The following CRLS1 variants were observed in gnomAD, a reference collection of about 807,000 sequenced individuals.
CRLS1 encodes the protein cardiolipin synthase 1.
A neutral mutation model predicts 37.0 loss-of-function variants in CRLS1; 24 were observed. That is an observed-to-expected ratio of 0.65 (90% CI 0.47 to 0.91). The LOEUF (loss-of-function observed/expected upper bound fraction) is 0.91. CRLS1 is among the 40% of genes least tolerant of loss of function. The pLI is 0.00. For missense variants in CRLS1, 373 were observed against 395.8 expected (o/e 0.94, Z 0.49); for synonymous variants, 135 against 159.7 (o/e 0.85, Z 1.17).
intron 3 of CRLS1, among the ~76,000 whole-genome samples, chr20:6,022,335 CT>C (rs34621758): frequency 0.48 from 44,971 of 94,364 alleles, 7,842 homozygotes; most frequent in South Asian, 0.55. Context: ...TAATCCATTG[CT>C]TTTTTTTTTT....
intron 3 of CRLS1, among the ~76,000 whole-genome samples, chr20:6,016,454 GGTGT>G (rs61011560): frequency 3.5e-5 from 4 of 114,610 alleles, no homozygotes; most frequent in Middle Eastern, 5.2e-3. Flanking sequence ...GGGGAATGGG[GGTGT>G]GTGTGTGTGT....
intron 3 of CRLS1, among the ~76,000 whole-genome samples, chr20:6,025,585 A>G (rs1033536257): frequency 1.3e-5 from 2 of 152,238 alleles, no homozygotes; most frequent in Non-Finnish European, 2.9e-5. Flanking sequence ...TAAGAAATAC[A>G]TTCCCCAAGG....
chr20:6,006,428 C>T lies in CRLS1; in HGVS notation c.182C>T (p.Pro61Leu). ...LRPAALGLRL[P>L]GIGQRNHCSG... is the part of the protein sequence containing the mutation. Reference sequence around the variant, plus strand: ...CCGGCCGCTCTTGGCTTGCGGCTGCCCGGGATCGGCCAGCGGAACCACTGT... The same window carrying T: ...CCGGCCGCTCTTGGCTTGCGGCTGCTCGGGATCGGCCAGCGGAACCACTGT... The change falls in exon 1 of 7, where the codon CCC (proline) becomes CTC (leucine). Residue 61 changes from proline to leucine, a missense_variant. Physicochemically the swap from Pro to Leu is moderately conservative, Grantham distance 98. Coordinates refer to ENST00000378863, the MANE Select transcript of CRLS1 (RefSeq NM_019095.6). 1.3e-5 allele frequency: 18 copies of T among 1,406,554 alleles called. No individual in the cohort carries two copies. Among genetic ancestry groups the T allele is most frequent in the Non-Finnish European group, 1.7e-5 (18 of 1,080,708 alleles). 87.1% of individuals were successfully genotyped at this position (1,406,554 alleles called of 1,614,324 possible).
chr20:6,019,426 T>A (rs1979035860), intron 3 of CRLS1, among the ~76,000 whole-genome samples: 1 of 152,020 alleles, frequency 6.6e-6, no homozygotes, highest in Non-Finnish European at 1.5e-5. Context: ...CTATAGGCAG[T>A]GGGCCCAGAA....
In CRLS1 at chr20:6,015,460, G is replaced by T. The variant is rs1365954668; in HGVS notation, c.544G>T (p.Val182Phe). Reference sequence around the variant, plus strand: ...TAAAATACTTATCAGTATCTTATATGTTAGCTTGACCTATGCAGATCTTAT... The same window carrying T: ...TAAAATACTTATCAGTATCTTATATTTTAGCTTGACCTATGCAGATCTTAT... ...ADKILISILY[V>F]SLTYADLIPV... Residue 182 changes from valine to phenylalanine, a missense_variant, in exon 3 of 7, where the codon GTT becomes TTT. Physicochemically the swap from Val to Phe is conservative, Grantham distance 50. Transcript: ENST00000378863. 1 of 1,613,186 alleles carries T rather than the reference G, an allele frequency of 6.2e-7. No individual in the cohort carries two copies. The highest frequency in any genetic ancestry group is 8.5e-7 in the Non-Finnish European group (1 of 1,179,410).
At chr20:6,032,215 G>A in intron 5 of CRLS1, 135 bp downstream of exon 5, 1 of 646,332 alleles carries the variant, frequency 1.5e-6, no homozygotes, top group Non-Finnish European at 2.7e-6. Context: ...AGTAGCGTTG[G>A]GCAGGCAGTT....
intron 2 of CRLS1, among the ~76,000 whole-genome samples, chr20:6,014,854 G>A (rs139968625): frequency 3.3e-5 from 5 of 152,130 alleles, no homozygotes. Flanking sequence ...AGGTAGAGAG[G>A]ATTGAGTTTT....
At chr20:6,018,283 T>C (rs892223510) in intron 3 of CRLS1, among the ~76,000 whole-genome samples, 4 of 151,808 alleles carry the variant, frequency 2.6e-5, no homozygotes, top group Admixed American at 1.3e-4. Flanking sequence ...TCAGTACTGT[T>C]TCTAATGTTG....
intron 3 of CRLS1, among the ~76,000 whole-genome samples, chr20:6,017,236 T>G (rs1197959675): frequency 1.3e-5 from 2 of 152,184 alleles, no homozygotes; most frequent in Non-Finnish European, 2.9e-5. Flanking sequence ...TGATTTTAAT[T>G]CAGAATTGTG....
intron 3 of CRLS1, among the ~76,000 whole-genome samples, chr20:6,025,282 G>C (rs777186492): frequency 6.6e-6 from 1 of 152,092 alleles, no homozygotes; most frequent in African/African-American, 2.4e-5. Flanking sequence ...AAAATTGTAG[G>C]GCCCTTAAGC....
intron 6 of CRLS1, among the ~76,000 whole-genome samples, chr20:6,034,842 G>A (rs1980433410): frequency 1.3e-5 from 2 of 152,178 alleles, no homozygotes; most frequent in Admixed American, 6.5e-5. Flanking sequence ...GAAGGAAGTG[G>A]CATTTGTTGC....
chr20:6,006,792 C>G (rs2090062691), intron 1 of CRLS1: 1 of 985,278 alleles, frequency 1.0e-6, no homozygotes, highest in African/African-American at 1.7e-5. Context: ...TCTATCTGCA[C>G]CCGTTGCTGG....
At chr20:6,032,120 A>C in intron 5 of CRLS1, 40 bp downstream of exon 5, 1 of 1,464,432 alleles carries the variant, frequency 6.8e-7, no homozygotes, top group South Asian at 1.2e-5. Flanking sequence ...TTCCTTTGTA[A>C]ATTTTTATTA....
chr20:6,015,414 T>C lies in CRLS1; in HGVS notation c.498T>C (p.Ser166=). 6.2e-7 allele frequency: 1 copy of C among 1,611,532 alleles called. No homozygotes were observed. Among genetic ancestry groups the C allele is most frequent in the Non-Finnish European group, 8.5e-7 (1 of 1,178,240 alleles). The change falls in exon 3 of 7, where the codon AGT becomes AGC. Residue 166 remains serine (S), a synonymous_variant. Transcript: ENST00000378863. ...CCAATCAAAGATCAGCTTTGGGAAGTGCTCTTGATCCACTTGCTGATAAAA... is the reference window on the plus strand; with the variant it reads ...CCAATCAAAGATCAGCTTTGGGAAGCGCTCTTGATCCACTTGCTGATAAAA... ...NWANQRSALG[S]ALDPLADKIL...
At chr20:6,007,206 C>A in intron 1 of CRLS1, 1 of 1,432,840 alleles carries the variant, frequency 7.0e-7, no homozygotes, top group Non-Finnish European at 9.2e-7. Flanking sequence ...GCAATTATTA[C>A]ATCTTCAATT....
At chr20:6,027,771 T>C (rs760838522) in intron 3 of CRLS1, among the ~76,000 whole-genome samples, 8 of 152,210 alleles carry the variant, frequency 5.3e-5, no homozygotes, top group African/African-American at 1.9e-4. Context: ...CATCTGACTT[T>C]CTTTCCCCCC....
At chr20:6,027,670 C>A (rs1449175580) in intron 3 of CRLS1, among the ~76,000 whole-genome samples, 3 of 152,194 alleles carry the variant, frequency 2.0e-5, no homozygotes, top group Non-Finnish European at 4.4e-5. Context: ...CTGCCTCAGC[C>A]TCCCAAAGTG....
intron 3 of CRLS1, among the ~76,000 whole-genome samples, chr20:6,025,623 C>T (rs1415667715): frequency 2.0e-5 from 3 of 152,064 alleles, no homozygotes; most frequent in Non-Finnish European, 1.5e-5. Flanking sequence ...AGTGTGATTC[C>T]TCTGATGGAT....
At chr20:6,030,975 C>A (rs184043722) in intron 3 of CRLS1, among the ~76,000 whole-genome samples, 1 of 151,884 alleles carries the variant, frequency 6.6e-6, no homozygotes, top group Non-Finnish European at 1.5e-5. Context: ...CTGATAACTG[C>A]GGACTAATAG....
Sources: gnomAD v4.1 joint callset for allele counts (sites outside exome capture counted in the v4.1 genomes callset) on GRCh38, gnomAD v4.1.1 for gene constraint, MANE v1.5 for transcripts, NCBI Gene and HGNC (gene_info 2026-07-23, HGNC 2026-07-21) for gene names.